The following DENND1B variants were observed in gnomAD, a reference collection of about 807,000 sequenced individuals.
DENND1B encodes DENN domain-containing protein 1B.
In DENND1B, 59 loss-of-function variants were observed where a neutral mutation model predicts 90.1. The ratio of observed to expected loss-of-function variants is 0.65; its 90% CI spans 0.53 to 0.81. DENND1B has a LOEUF of 0.81. Among genes scored for constraint, DENND1B ranks in the 40% least tolerant of loss-of-function variants. DENND1B has a pLI of 0.00. For missense variants in DENND1B, 862 were observed against 912.6 expected, an observed-to-expected ratio of 0.94 and a Z score of 0.71; for synonymous variants, 337 against 324.6, an observed-to-expected ratio of 1.04 and a Z score of -0.41.
intron 4 of DENND1B, among the ~76,000 whole-genome samples, chr1:197,673,042 T>C (rs1304797817): frequency 6.6e-6 from 1 of 152,030 alleles, no homozygotes; most frequent in Non-Finnish European, 1.5e-5. Context: ...AATAAATTAC[T>C]GCCAGTATCA....
chr1:197,782,106 C>A, the DENND1B span, among the ~76,000 whole-genome samples: 1 of 152,138 alleles, frequency 6.6e-6, no homozygotes, highest in Non-Finnish European at 1.5e-5. Flanking sequence ...AGAGTGTCAC[C>A]AACAGATGGT....
intron 3 of DENND1B, among the ~76,000 whole-genome samples, chr1:197,678,226 GTATAT>G (rs1240560519): frequency 5.3e-5 from 8 of 152,228 alleles, no homozygotes; most frequent in Non-Finnish European, 7.4e-5. Context: ...TACGAGTGAA[GTATAT>G]TATATTTTAT....
chr1:197,676,389 T>A (rs1473807184), intron 3 of DENND1B, among the ~76,000 whole-genome samples: 3 of 152,058 alleles, frequency 2.0e-5, no homozygotes, highest in Non-Finnish European at 2.9e-5. Context: ...TGAAGGCTGG[T>A]ATTTTCACTA....
chr1:197,657,279 C>A (rs545800241), intron 6 of DENND1B, among the ~76,000 whole-genome samples: 2 of 152,162 alleles, frequency 1.3e-5, no homozygotes, highest in African/African-American at 4.8e-5. Flanking sequence ...CCTTCTACAA[C>A]TTTTGACTCA....
chr1:197,636,389 C>G (rs968460365), intron 10 of DENND1B, among the ~76,000 whole-genome samples: 2 of 152,028 alleles, frequency 1.3e-5, no homozygotes, highest in Non-Finnish European at 2.9e-5. Flanking sequence ...TATATTGGGG[C>G]AGAAGGTAAG....
chr1:197,638,112 T>C (rs1189291455), intron 10 of DENND1B, among the ~76,000 whole-genome samples: 1 of 152,222 alleles, frequency 6.6e-6, no homozygotes, highest in African/African-American at 2.4e-5. Context: ...AGATTTCTTT[T>C]TACATATGCC....
At chr1:197,736,241 T>C in intron 2 of DENND1B, 1 of 407,108 alleles carries the variant, frequency 2.5e-6, no homozygotes, top group Non-Finnish European at 4.5e-6. Flanking sequence ...CAACTTTTAT[T>C]GAACTTGAAT....
chr1:197,704,880 G>T (rs530382858), intron 3 of DENND1B, among the ~76,000 whole-genome samples: 1 of 151,888 alleles, frequency 6.6e-6, no homozygotes, highest in East Asian at 1.9e-4. Context: ...AAGAGTAAAC[G>T]CTTTTGAGTC....
At position 197,700,218 on chromosome 1, in the gene DENND1B, G is replaced by A. The variant is rs573572493; in HGVS notation, c.126+14813C>T. On this transcript the variant is annotated intron_variant, in intron 3 of 22. Transcript: ENST00000620048. ...GCATCACGCTACCTGACTTCAGACT[G>A]TATTACAAGGCTACAGTAACCAAAA... Among the ~76,000 whole-genome samples the A allele has an allele frequency of 6.0e-4, 92 of 152,144 alleles. 1 individual carries two copies. Among genetic ancestry groups the A allele is most frequent in the African/African-American group, 2.1e-3 (86 of 41,528 alleles).
chr1:197,556,256 T>C (rs991156383), intron 15 of DENND1B, among the ~76,000 whole-genome samples: 4 of 151,968 alleles, frequency 2.6e-5, no homozygotes, highest in African/African-American at 4.8e-5. Context: ...TTGGGTACTA[T>C]GTTCATTATC....
chr1:197,625,799 T>C lies in DENND1B; in HGVS notation c.673-8040A>G, dbSNP rs1296357951. Reference sequence around the variant, plus strand: ...CACATGCAGAGACACACATAGGACATAGGCTCAAAATAAAAGGATGGAGGA... The same window carrying C: ...CACATGCAGAGACACACATAGGACACAGGCTCAAAATAAAAGGATGGAGGA... On this transcript the variant is annotated intron_variant, in intron 10 of 22. Transcript: ENST00000620048. Among the ~76,000 whole-genome samples, 4 of 151,970 alleles carry C rather than the reference T, an allele frequency of 2.6e-5. No homozygotes were observed. The East Asian group carries it at 7.8e-4, about 29-fold the overall frequency.
chr1:197,604,435 T>A (rs990900343), intron 13 of DENND1B, among the ~76,000 whole-genome samples: 9 of 151,188 alleles, frequency 6.0e-5, no homozygotes, highest in Non-Finnish European at 1.5e-5. Context: ...AATATTGGAA[T>A]GAAGCCATTA....
intron 2 of DENND1B, among the ~76,000 whole-genome samples, chr1:197,755,050 C>T (rs1235198780): frequency 6.6e-6 from 1 of 152,128 alleles, no homozygotes. Context: ...CCAATTTCTC[C>T]TAGCAAAGAA....
chr1:197,738,517 G>T (rs2102353314), intron 2 of DENND1B, among the ~76,000 whole-genome samples: 1 of 152,298 alleles, frequency 6.6e-6, no homozygotes, highest in East Asian at 1.9e-4. Flanking sequence ...GTTATTAACT[G>T]TGAAACACAA....
intron 5 of DENND1B, among the ~76,000 whole-genome samples, chr1:197,671,554 T>C (rs993123619): frequency 1.3e-5 from 2 of 152,114 alleles, no homozygotes; most frequent in Non-Finnish European, 2.9e-5. Flanking sequence ...CAAAACTTCC[T>C]CAAATTCATA....
chr1:197,540,137 T>A (rs999831110), intron 19 of DENND1B, 66 bp from the exon 20 acceptor site: 1 of 1,119,216 alleles, frequency 8.9e-7, no homozygotes, highest in Non-Finnish European at 1.3e-6. Flanking sequence ...CGTATTAGAT[T>A]AATAAACAAA....
At chr1:197,702,800 T>C (rs1659168504) in intron 3 of DENND1B, among the ~76,000 whole-genome samples, 1 of 152,204 alleles carries the variant, frequency 6.6e-6, no homozygotes, top group Admixed American at 6.5e-5. Context: ...AGTGTTGTTG[T>C]TGTTGTTGTT....
In DENND1B at chr1:197,595,268, G is replaced by A. The variant is rs760023185; in HGVS notation, c.987C>T (p.Ala329=). ...ACAAAGCAGCCTGTGCTCTAAGAAA[G>A]GCCCTAGCTACTCCATCACCCGTAG... The part of the protein sequence containing the change: ...STATGDGVAR[A]FLRAQAALFG... Residue 329 remains alanine, a synonymous_variant, in exon 14 of 23, where the codon GCC becomes GCT. Coordinates refer to ENST00000620048, the MANE Select transcript of DENND1B (RefSeq NM_001195215.2). 3.1e-6 allele frequency: 5 copies of A among 1,613,178 alleles called. No homozygotes were observed. The Admixed American group carries it at 8.3e-5, about 27-fold the overall frequency.
chr1:197,638,833 C>CAATGTATAAATCAACAGAAT (rs1454117463), intron 10 of DENND1B, among the ~76,000 whole-genome samples: 1 of 150,876 alleles, frequency 6.6e-6, no homozygotes, highest in African/African-American at 2.4e-5. Flanking sequence ...GTGTACTTGA[C>CAATGTATAAATCAACAGAAT]AATGTATAAA....
Sources: gnomAD v4.1 joint callset for allele counts (sites outside exome capture counted in the v4.1 genomes callset) on GRCh38, gnomAD v4.1.1 for gene constraint, MANE v1.5 for transcripts, NCBI Gene and HGNC (gene_info 2026-07-23, HGNC 2026-07-21) for gene names.